The following IMMP2L variants were observed in gnomAD, a reference collection of about 807,000 sequenced individuals.
IMMP2L encodes inner mitochondrial membrane peptidase subunit 2.
In IMMP2L, 18 loss-of-function variants were observed where a neutral mutation model predicts 19.3. The observed-to-expected ratio is 0.93, with a 90% CI of 0.64 to 1.38. The LOEUF is 1.38. Among genes scored for constraint, IMMP2L ranks in the 40% most tolerant of loss-of-function variants. IMMP2L has a pLI of 0.00. For missense variants in IMMP2L, 233 were observed against 218.2 expected, an observed-to-expected ratio of 1.07 and a Z score of -0.43; for synonymous variants, 76 against 73.0, an observed-to-expected ratio of 1.04 and a Z score of -0.21.
intron 3 of IMMP2L, among the ~76,000 whole-genome samples, chr7:111,051,207 TCAAAGG>T (rs1232564858): frequency 6.6e-6 from 1 of 152,150 alleles, no homozygotes; most frequent in Non-Finnish European, 1.5e-5. Context: ...GAGTCCAAAA[TCAAAGG>T]CAAAGGGAGA....
chr7:111,548,273 T>A (rs974619837), intron 1 of IMMP2L, among the ~76,000 whole-genome samples: 1 of 152,162 alleles, frequency 6.6e-6, no homozygotes, highest in African/African-American at 2.4e-5. Context: ...TTTGACTGCA[T>A]GCTTCTCTAG....
At chr7:111,346,937 G>A (rs1245552500) in intron 3 of IMMP2L, among the ~76,000 whole-genome samples, 1 of 152,004 alleles carries the variant, frequency 6.6e-6, no homozygotes, top group African/African-American at 2.4e-5. Flanking sequence ...CTAACTCATA[G>A]AGATGCTGGC....
At chr7:110,754,991 A>C (rs903422358) in intron 5 of IMMP2L, among the ~76,000 whole-genome samples, 5 of 152,014 alleles carry the variant, frequency 3.3e-5, no homozygotes, top group Admixed American at 6.6e-5. Flanking sequence ...ACATACTCCA[A>C]TTAGTACATG....
At chr7:110,908,388 A>C (rs994612377) in intron 4 of IMMP2L, among the ~76,000 whole-genome samples, 9 of 152,182 alleles carry the variant, frequency 5.9e-5, no homozygotes, top group East Asian at 1.9e-4. Flanking sequence ...TAACTGATTT[A>C]GCATTCACTC....
chr7:110,979,518 C>A (rs907436316), intron 3 of IMMP2L, among the ~76,000 whole-genome samples: 15 of 152,016 alleles, frequency 9.9e-5, no homozygotes, highest in Non-Finnish European at 7.4e-5. Flanking sequence ...CAATGCAAAT[C>A]AGAAGTGACA....
intron 3 of IMMP2L, among the ~76,000 whole-genome samples, chr7:111,459,388 T>C (rs1351397354): frequency 6.6e-6 from 1 of 152,148 alleles, no homozygotes; most frequent in Non-Finnish European, 1.5e-5. Context: ...TTGTCCCTTG[T>C]GCATATGATA....
At chr7:111,163,701 C>A (rs1043673939) in intron 3 of IMMP2L, among the ~76,000 whole-genome samples, 10 of 152,026 alleles carry the variant, frequency 6.6e-5, no homozygotes, top group African/African-American at 2.2e-4. Context: ...GTTTTGTGTG[C>A]AGCGCAGCCA....
intron 5 of IMMP2L, chr7:110,724,044 T>C (rs1795739965): frequency 6.6e-6 from 1 of 152,142 alleles, no homozygotes; most frequent in African/African-American, 2.4e-5. Context: ...TTCAATATCA[T>C]TTCTAGTTAT....
At chr7:111,029,064 TG>T (rs1343129953) in intron 3 of IMMP2L, among the ~76,000 whole-genome samples, 1 of 152,188 alleles carries the variant, frequency 6.6e-6, no homozygotes, top group East Asian at 1.9e-4. Flanking sequence ...TATCCAGACA[TG>T]ACTAATGGGA....
In IMMP2L at chr7:111,551,366, G is replaced by A. The variant is rs192803258; in HGVS notation, c.-3+10485C>T. 1.4e-4 allele frequency among the ~76,000 whole-genome samples: 22 copies of A among 152,200 alleles called. No individual in the cohort carries two copies. The East Asian group carries it at 3.9e-3, about 27-fold the overall frequency. ...ATCTAAGAAGTCAAGAACATACTAT[G>A]TATTACCAAACTGGGCAAGAGTTCA... On this transcript the variant is annotated intron_variant, in intron 1 of 5. Transcript: ENST00000405709.
chr7:111,547,129 A>T (rs886090070), intron 1 of IMMP2L, among the ~76,000 whole-genome samples: 4 of 152,198 alleles, frequency 2.6e-5, no homozygotes, highest in Non-Finnish European at 5.9e-5. Context: ...TTTTACAAAG[A>T]CCACTGACTG....
chr7:110,775,455 T>A lies in IMMP2L; in HGVS notation c.408+111138A>T, dbSNP rs186767176. 2.0e-5 allele frequency among the ~76,000 whole-genome samples: 3 copies of A among 152,136 alleles called. No individual in the cohort carries two copies. In the East Asian group the frequency reaches 5.8e-4, roughly 29 times the overall value. ...ATTGGAAACCTAAAGAAGAGGGCAT[T>A]TGTATGAAGTGTTTTCTAAACTTAA... On this transcript the variant is annotated intron_variant, in intron 5 of 5. Transcript: ENST00000405709.
chr7:111,098,339 C>T (rs1797617083), intron 3 of IMMP2L, among the ~76,000 whole-genome samples: 1 of 151,762 alleles, frequency 6.6e-6, no homozygotes, highest in Non-Finnish European at 1.5e-5. Context: ...ATCAGTGAGG[C>T]ATTTTCCAAA....
chr7:111,517,995 A>G (rs539479078), intron 2 of IMMP2L, among the ~76,000 whole-genome samples: 4 of 152,266 alleles, frequency 2.6e-5, no homozygotes, highest in African/African-American at 9.6e-5. Context: ...TTTATAAACT[A>G]AATCCTATTT....
intron 5 of IMMP2L, among the ~76,000 whole-genome samples, chr7:110,684,685 C>T (rs1464895): frequency 0.21 from 32,504 of 151,756 alleles, 4,105 homozygotes; most frequent in African/African-American, 0.34. Context: ...ATGCTCACTG[C>T]CCTGTGGAAA....
At chr7:110,671,621 A>G (rs1201734982) in intron 5 of IMMP2L, among the ~76,000 whole-genome samples, 3 of 152,104 alleles carry the variant, frequency 2.0e-5, no homozygotes, top group East Asian at 1.9e-4. Context: ...CACAGTCTTC[A>G]TGAGCCCAGC....
chr7:110,701,197 T>C (rs1794263077), intron 5 of IMMP2L, among the ~76,000 whole-genome samples: 1 of 152,194 alleles, frequency 6.6e-6, no homozygotes, highest in African/African-American at 2.4e-5. Flanking sequence ...TATCATAGTG[T>C]AGTTTTTAGA....
intron 5 of IMMP2L, among the ~76,000 whole-genome samples, chr7:110,718,834 G>A (rs17476821): frequency 0.21 from 31,640 of 151,994 alleles, 3,460 homozygotes; most frequent in Admixed American, 0.26. Context: ...ATAGCCAGAA[G>A]CAGCAAGAGC....
chr7:110,831,763 T>C (rs757004302), intron 5 of IMMP2L, among the ~76,000 whole-genome samples: 3 of 152,178 alleles, frequency 2.0e-5, no homozygotes, highest in Admixed American at 6.5e-5. Context: ...ATCTGCAGAA[T>C]CTTCATTTGT....
Sources: allele counts gnomAD v4.1 joint callset (sites outside exome capture counted in the v4.1 genomes callset), GRCh38; gene constraint gnomAD v4.1.1; transcripts MANE v1.5; gene names NCBI Gene and HGNC (gene_info 2026-07-23, HGNC 2026-07-21).